Variants in ADAM29 observed in about 807,000 individuals in gnomAD.
ADAM29 encodes the protein disintegrin and metalloproteinase domain-containing protein 29.
For missense variants in ADAM29, 969 were observed against 1,001.8 expected (o/e 0.97, Z 0.44); for synonymous variants, 367 against 342.3 (o/e 1.07, Z -0.80).
chr4:174,966,714 C>A (rs993716726), intron 4 of ADAM29, among the ~76,000 whole-genome samples: 2 of 152,132 alleles, frequency 1.3e-5, no homozygotes, highest in Non-Finnish European at 2.9e-5. Context: ...ATTTGTGGGG[C>A]CTGGTAGCTG....
Position 174,920,711 on chromosome 4 carries a change from A to G in ADAM29, c.-532A>G, listed in dbSNP as rs1344468567. ...GCTTGCTGGATGAATAAAGGAAAGA[A>G]GGTTTATATACACTAATAATAGAAA... On this transcript the variant is annotated 5_prime_UTR_variant, in exon 2 of 5. Coordinates refer to ENST00000359240, the MANE Select transcript of ADAM29 (RefSeq NM_014269.4). 6.6e-6 allele frequency: 1 copy of G among 152,172 alleles called. No individual in the cohort carries two copies. The highest frequency in any genetic ancestry group is 1.5e-5 in the Non-Finnish European group (1 of 68,004). 9.4% of individuals were successfully genotyped at this position (152,172 alleles called of 1,614,324 possible).
At chr4:174,930,212 G>C (rs1025474857) in intron 2 of ADAM29, among the ~76,000 whole-genome samples, 5 of 152,086 alleles carry the variant, frequency 3.3e-5, no homozygotes, top group Non-Finnish European at 7.4e-5. Flanking sequence ...TTATAGGCGT[G>C]AGCCACCGCT....
At chr4:174,942,267 C>T (rs1744582975) in intron 4 of ADAM29, among the ~76,000 whole-genome samples, 1 of 152,204 alleles carries the variant, frequency 6.6e-6, no homozygotes, top group South Asian at 2.1e-4. Flanking sequence ...CTTCTTACTG[C>T]TTCACTAGGC....
At chr4:174,946,478 G>A (rs1233478841) in intron 4 of ADAM29, among the ~76,000 whole-genome samples, 2 of 151,940 alleles carry the variant, frequency 1.3e-5, no homozygotes, top group Non-Finnish European at 2.9e-5. Flanking sequence ...CTATTTAGAT[G>A]CCCTTTATTT....
At chr4:174,958,923 G>A (rs185027011) in intron 4 of ADAM29, among the ~76,000 whole-genome samples, 52 of 151,612 alleles carry the variant, frequency 3.4e-4, no homozygotes, top group African/African-American at 1.1e-3. Context: ...CCCTTCTGTC[G>A]CTTCTGATGT....
At chr4:174,928,796 A>G (rs939291377) in intron 2 of ADAM29, among the ~76,000 whole-genome samples, 2 of 152,108 alleles carry the variant, frequency 1.3e-5, no homozygotes, top group East Asian at 1.9e-4. Flanking sequence ...CTACATTTCT[A>G]TAGAGACTGG....
intron 4 of ADAM29, among the ~76,000 whole-genome samples, chr4:174,949,552 C>T (rs1220963878): frequency 6.6e-6 from 1 of 152,130 alleles, no homozygotes; most frequent in African/African-American, 2.4e-5. Context: ...TGGTGCTTAT[C>T]TACCCTGTGC....
chr4:174,963,115 C>T (rs1417654140), intron 4 of ADAM29, among the ~76,000 whole-genome samples: 1 of 151,978 alleles, frequency 6.6e-6, no homozygotes, highest in Non-Finnish European at 1.5e-5. Context: ...AGATTAACTT[C>T]CATGTACATG....
intron 2 of ADAM29, among the ~76,000 whole-genome samples, chr4:174,927,761 A>G (rs1417819119): frequency 6.7e-6 from 1 of 149,196 alleles, no homozygotes; most frequent in African/African-American, 2.6e-5. Flanking sequence ...TGGTTGGTGC[A>G]CAGCTACCTG....
intron 3 of ADAM29, among the ~76,000 whole-genome samples, chr4:174,934,642 A>G (rs57114588): frequency 0.019 from 2,895 of 152,200 alleles, 85 homozygotes; most frequent in African/African-American, 0.066. Context: ...GTCTGTTGTG[A>G]TATTTAAAAG....
At chr4:174,953,775 A>G (rs55912421) in intron 4 of ADAM29, among the ~76,000 whole-genome samples, 63,627 of 151,934 alleles carry the variant, frequency 0.42, 13,868 homozygotes, top group African/African-American at 0.54. Flanking sequence ...CCATGATGCC[A>G]TCTCGGCTGA....
At chr4:174,919,167 A>G (rs1743033387) in intron 1 of ADAM29, among the ~76,000 whole-genome samples, 1 of 152,296 alleles carries the variant, frequency 6.6e-6, no homozygotes, top group South Asian at 2.1e-4. Context: ...CTAATAGTCT[A>G]TAAACTTTCT....
At chr4:174,923,245 C>G (rs139866639) in intron 2 of ADAM29, among the ~76,000 whole-genome samples, 3,030 of 151,596 alleles carry the variant, frequency 0.02, 78 homozygotes, top group African/African-American at 0.061. Context: ...TTAGTATAGA[C>G]GGGATTTCAC....
intron 4 of ADAM29, among the ~76,000 whole-genome samples, chr4:174,938,840 G>A (rs1304425475): frequency 2.0e-5 from 3 of 152,138 alleles, no homozygotes; most frequent in East Asian, 1.9e-4. Flanking sequence ...GGTGTCGGCA[G>A]GGAAAAGCTC....
At position 174,977,129 on chromosome 4, in the gene ADAM29, G is replaced by A; in HGVS notation, c.1604G>A (p.Gly535Asp). The A allele has an allele frequency of 6.2e-7, 1 of 1,614,028 alleles. No homozygotes were observed. Among genetic ancestry groups the A allele is most frequent in the Non-Finnish European group, 8.5e-7 (1 of 1,179,976 alleles). ...NTLGDRVGHCGIKNATYIKCN... is the reference protein window; with the variant it reads ...NTLGDRVGHCDIKNATYIKCN... Reference sequence around the variant, plus strand: ...TTAGGTGACCGTGTTGGTCACTGTGGTATCAAAAATGCTACATATATAAAG... The same window carrying A: ...TTAGGTGACCGTGTTGGTCACTGTGATATCAAAAATGCTACATATATAAAG... The change falls in exon 5 of 5, where the codon GGT becomes GAT. Residue 535 changes from glycine (G) to aspartate (D), a missense_variant. By Grantham distance (94) the Gly-to-Asp change is moderately conservative (BLOSUM62 -1). Coordinates refer to ENST00000359240, the MANE Select transcript of ADAM29 (RefSeq NM_014269.4).
At chr4:174,955,911 A>G (rs1179748010) in intron 4 of ADAM29, among the ~76,000 whole-genome samples, 4 of 152,048 alleles carry the variant, frequency 2.6e-5, no homozygotes, top group South Asian at 4.1e-4. Flanking sequence ...CAAATCTGCA[A>G]TTGAAATTAG....
In ADAM29 at chr4:174,973,682, T is replaced by G. The variant is rs115877887; in HGVS notation, c.-180-1664T>G. Among the ~76,000 whole-genome samples, 1,190 of 152,262 alleles carry G rather than the reference T, an allele frequency of 7.8e-3. 15 individuals are homozygous for G. The highest frequency in any genetic ancestry group is 0.027 in the African/African-American group (1,125 of 41,526). ...TCCAAAAATGTTTAATTTTGATAGC[T>G]CTTTCAATATTATTATACTTTACTT... On this transcript the variant is annotated intron_variant, in intron 4 of 4. Transcript: ENST00000359240.
At chr4:174,936,375 A>G (rs776689183) in intron 3 of ADAM29, among the ~76,000 whole-genome samples, 15 of 151,958 alleles carry the variant, frequency 9.9e-5, no homozygotes, top group Non-Finnish European at 1.6e-4. Context: ...TTTTTACTGA[A>G]CGAAAATAAA....
intron 2 of ADAM29, among the ~76,000 whole-genome samples, chr4:174,923,408 T>C (rs1347920569): frequency 1.3e-5 from 2 of 151,482 alleles, no homozygotes; most frequent in Non-Finnish European, 2.9e-5. Context: ...CAATGATTGC[T>C]TGAGCACAGG....
Sources: gnomAD v4.1 joint callset for allele counts (sites outside exome capture counted in the v4.1 genomes callset) on GRCh38, gnomAD v4.1.1 for gene constraint, MANE v1.5 for transcripts, NCBI Gene and HGNC (gene_info 2026-07-23, HGNC 2026-07-21) for gene names.